Variants in STAU2 observed in about 807,000 individuals in gnomAD.
STAU2 encodes double-stranded RNA-binding protein Staufen homolog 2.
STAU2 carries 20 observed loss-of-function variants against 65.9 expected under a neutral mutation model. The observed-to-expected ratio is 0.30, with a 90% CI of 0.21 to 0.44. The LOEUF (loss-of-function observed/expected upper bound fraction) is 0.44, where lower values mean the gene tolerates loss of function less well. Ranked by LOEUF, STAU2 falls within the 20% of genes least tolerant of loss-of-function variation. The probability of loss-of-function intolerance (pLI) is 1.00; values close to 1 mark genes in which losing one functional copy is unlikely to be tolerated. For synonymous variants in STAU2, 232 were observed against 233.9 expected, an observed-to-expected ratio of 0.99 and a Z score of 0.07; for missense variants, 558 against 683.9, an observed-to-expected ratio of 0.82 and a Z score of 2.05.
At chr8:73,426,509 T>C (rs1043329103) in intron 13 of STAU2, among the ~76,000 whole-genome samples, 5 of 152,236 alleles carry the variant, frequency 3.3e-5, no homozygotes, top group Non-Finnish European at 5.9e-5. Flanking sequence ...TTCTACTTTT[T>C]ACTTCTGTAA....
chr8:73,514,477 T>C (rs567428979), intron 13 of STAU2, among the ~76,000 whole-genome samples: 2 of 152,340 alleles, frequency 1.3e-5, no homozygotes, highest in African/African-American at 4.8e-5. Flanking sequence ...CAATCATTTA[T>C]GTCTGGAACT....
chr8:73,747,357 G>A, upstream of STAU2: 2 of 1,533,994 alleles, frequency 1.3e-6, no homozygotes, highest in Non-Finnish European at 1.7e-6. Context: ...TTTCTGGTCC[G>A]CACCCTGTGC....
chr8:73,623,047 G>T (rs1813380038), intron 6 of STAU2, among the ~76,000 whole-genome samples: 2 of 152,134 alleles, frequency 1.3e-5, no homozygotes, highest in South Asian at 4.1e-4. Context: ...GATACCACAA[G>T]TCAATACAAC....
At chr8:73,600,103 A>G (rs1430272947) in intron 10 of STAU2, among the ~76,000 whole-genome samples, 5 of 152,168 alleles carry the variant, frequency 3.3e-5, no homozygotes, top group Non-Finnish European at 7.4e-5. Flanking sequence ...GAACCACCCA[A>G]TTTTAAGGAA....
chr8:73,598,272 G>C (rs1011105084), intron 10 of STAU2, among the ~76,000 whole-genome samples: 3 of 142,176 alleles, frequency 2.1e-5, no homozygotes, highest in Non-Finnish European at 4.5e-5. Context: ...CTGTCACCCA[G>C]GCTGGAGTGC....
At chr8:73,698,504 C>T (rs1215504996) in intron 4 of STAU2, among the ~76,000 whole-genome samples, 1 of 151,996 alleles carries the variant, frequency 6.6e-6, no homozygotes, top group African/African-American at 2.4e-5. Flanking sequence ...CAGCTATACT[C>T]ATATCAGAAA....
chr8:73,547,112 T>C (rs1425846595), intron 13 of STAU2, among the ~76,000 whole-genome samples: 1 of 152,222 alleles, frequency 6.6e-6, no homozygotes, highest in African/African-American at 2.4e-5. Context: ...ACATTAAAGT[T>C]TCTTTGGTTG....
At chr8:73,495,093 AT>A (rs1563625008) in intron 13 of STAU2, among the ~76,000 whole-genome samples, 6 of 151,542 alleles carry the variant, frequency 4.0e-5, no homozygotes, top group Admixed American at 2.6e-4. Flanking sequence ...GGAGTTTTTA[AT>A]TCTTATTTGT....
At chr8:73,466,515 G>C (rs181962826) in intron 13 of STAU2, among the ~76,000 whole-genome samples, 19 of 152,294 alleles carry the variant, frequency 1.2e-4, no homozygotes, top group Middle Eastern at 3.4e-3. Flanking sequence ...AGTGTCAAGA[G>C]GTTGGCGAAT....
rs1014158229 is a variant in STAU2 at position 73,421,200 on chromosome 8, T to A, written c.*172A>T. ...AGGGAAATGCTCAAAGTTTTATTTT[T>A]CCCCAGTTGAATAAACAGTACCATG... On this transcript the variant is annotated 3_prime_UTR_variant, in exon 15 of 15. Coordinates refer to ENST00000524300, the MANE Select transcript of STAU2 (RefSeq NM_001164380.2). The A allele has an allele frequency of 1.8e-6, 1 of 567,834 alleles. No individual in the cohort carries two copies. Among genetic ancestry groups the A allele is most frequent in the Non-Finnish European group, 3.0e-6 (1 of 334,362 alleles). The allele number at this position is 567,834 out of a possible 1,614,324, so 35.2% of individuals were successfully genotyped here.
chr8:73,660,415 C>T (rs534615932), intron 6 of STAU2, among the ~76,000 whole-genome samples: 3 of 152,262 alleles, frequency 2.0e-5, no homozygotes, highest in South Asian at 4.2e-4. Context: ...GGTGACAGAG[C>T]GAGACACCGG....
intron 9 of STAU2, among the ~76,000 whole-genome samples, chr8:73,606,263 AAATT>A (rs1318204166): frequency 2.0e-5 from 3 of 151,884 alleles, no homozygotes; most frequent in African/African-American, 4.8e-5. Context: ...TAAATCTTCA[AAATT>A]AATAACTTCT....
Position 73,442,134 on chromosome 8 carries a change from C to T in STAU2, c.1531-19432G>A, listed in dbSNP as rs1170554007. On this transcript the variant is annotated intron_variant, in intron 13 of 14. Coordinates refer to ENST00000524300, the MANE Select transcript of STAU2 (RefSeq NM_001164380.2). ...CTTTGGGAGGCCGAGGTGGGCGGATCACGAGGTCAGGAGATCGAGATCATC... is the reference window on the plus strand; with the variant it reads ...CTTTGGGAGGCCGAGGTGGGCGGATTACGAGGTCAGGAGATCGAGATCATC... Among the ~76,000 whole-genome samples, 3 of 152,044 alleles carry T rather than the reference C, an allele frequency of 2.0e-5. No homozygotes were observed. In the East Asian group the frequency reaches 5.8e-4, roughly 29 times the overall value.
chr8:73,488,256 T>C (rs983612494), intron 13 of STAU2, among the ~76,000 whole-genome samples: 3 of 152,050 alleles, frequency 2.0e-5, no homozygotes, highest in Admixed American at 1.3e-4. Context: ...CAATATATTA[T>C]GTTCTGAATT....
intron 13 of STAU2, among the ~76,000 whole-genome samples, chr8:73,522,849 C>T (rs1235064318): frequency 6.6e-6 from 1 of 152,122 alleles, no homozygotes; most frequent in African/African-American, 2.4e-5. Context: ...CAGACGTCTT[C>T]GCTAAAGCCA....
At chr8:73,474,051 C>T (rs1482427153) in intron 13 of STAU2, among the ~76,000 whole-genome samples, 1 of 152,092 alleles carries the variant, frequency 6.6e-6, no homozygotes, top group Non-Finnish European at 1.5e-5. Context: ...CTAAGACCAA[C>T]CAATGAAATA....
intron 6 of STAU2, among the ~76,000 whole-genome samples, chr8:73,620,961 G>C (rs1354646945): frequency 6.6e-6 from 1 of 152,108 alleles, no homozygotes; most frequent in Non-Finnish European, 1.5e-5. Context: ...TTGTGTGATA[G>C]GTCTGGTCTC....
intron 10 of STAU2, among the ~76,000 whole-genome samples, chr8:73,596,063 G>A (rs966028538): frequency 5.3e-5 from 8 of 151,090 alleles, no homozygotes; most frequent in African/African-American, 1.5e-4. Flanking sequence ...AGTGAGCCAC[G>A]ATTGCGCCAC....
Position 73,613,850 on chromosome 8 carries a change from T to C in STAU2, c.785A>G (p.Lys262Arg). 1 of 1,613,864 alleles carries C rather than the reference T, an allele frequency of 6.2e-7. No homozygotes were observed. The highest frequency in any genetic ancestry group is 8.5e-7 in the Non-Finnish European group (1 of 1,179,868). The part of the protein sequence containing the change: ...GEGNSKKLSK[K>R]RAATTVLQEL... ...CTGTAAGACGGTGGTCGCAGCGCGCTTCTTGGAGAGTTTTTTGCTATTTCC... is the reference window on the plus strand; with the variant it reads ...CTGTAAGACGGTGGTCGCAGCGCGCCTCTTGGAGAGTTTTTTGCTATTTCC... The change falls in exon 9 of 15, where the codon AAG becomes AGG. Residue 262 changes from lysine to arginine, a missense_variant. Lys to Arg is a conservative substitution (Grantham distance 26). Around this residue, in one of 3 missense-constraint regions of STAU2, gnomAD observed 199 missense variants for 299.5 expected, o/e 0.66. Transcript: ENST00000524300.
Sources: allele counts gnomAD v4.1 joint callset (sites outside exome capture counted in the v4.1 genomes callset), GRCh38; gene constraint gnomAD v4.1.1; regional missense constraint gnomAD v4.1.1; transcripts MANE v1.5; gene names NCBI Gene and HGNC (gene_info 2026-07-23, HGNC 2026-07-21).